The following KCNH8 variants were observed in gnomAD, a reference collection of about 807,000 sequenced individuals.
KCNH8 encodes the protein voltage-gated delayed rectifier potassium channel KCNH8.
Under a neutral mutation model 103.6 loss-of-function variants are expected in KCNH8, and 70 were observed. That is an observed-to-expected ratio of 0.68 (90% confidence interval 0.56 to 0.82). The LOEUF is 0.82. KCNH8 is among the 40% of genes least tolerant of loss of function. KCNH8 has a pLI of 0.00. For missense variants in KCNH8, 1,217 were observed against 1,329.9 expected (o/e 0.92, Z 1.32); for synonymous variants, 498 against 489.4 (o/e 1.02, Z -0.23).
intron 1 of KCNH8, among the ~76,000 whole-genome samples, chr3:19,160,528 T>G (rs1323804001): frequency 6.6e-6 from 1 of 152,138 alleles, no homozygotes; most frequent in Non-Finnish European, 1.5e-5. Flanking sequence ...AATCTATTTT[T>G]ATGCCTAAAA....
intron 11 of KCNH8, among the ~76,000 whole-genome samples, chr3:19,461,461 GA>G (rs2067626651): frequency 5.9e-5 from 9 of 152,114 alleles, no homozygotes; most frequent in Admixed American, 2.6e-4. Flanking sequence ...ACTAACTGTA[GA>G]AGCAAGCCCC....
chr3:19,464,418 A>G (rs910262658), intron 11 of KCNH8, among the ~76,000 whole-genome samples: 10 of 152,168 alleles, frequency 6.6e-5, no homozygotes, highest in Admixed American at 2.6e-4. Context: ...TAAACGAAAG[A>G]AAAAACAATA....
At chr3:19,429,863 TC>T (rs548945424) in intron 7 of KCNH8, among the ~76,000 whole-genome samples, 10 of 152,318 alleles carry the variant, frequency 6.6e-5, no homozygotes, top group Non-Finnish European at 1.5e-4. Context: ...GATAATAGCC[TC>T]CAGCTCCATC....
intron 11 of KCNH8, among the ~76,000 whole-genome samples, chr3:19,492,501 C>T (rs940310388): frequency 1.3e-5 from 2 of 152,088 alleles, no homozygotes; most frequent in Non-Finnish European, 2.9e-5. Context: ...GGCTTCATTT[C>T]TGAGTTTTCT....
intron 1 of KCNH8, among the ~76,000 whole-genome samples, chr3:19,226,584 T>TTC (rs113627715): frequency 0.078 from 11,570 of 147,988 alleles, 1,485 homozygotes; most frequent in African/African-American, 0.27. Flanking sequence ...CTTTCAGTCT[T>TTC]TCTCTCTCTC....
chr3:19,300,675 A>C (rs1466122278), intron 3 of KCNH8, among the ~76,000 whole-genome samples: 2 of 152,166 alleles, frequency 1.3e-5, no homozygotes, highest in Non-Finnish European at 2.9e-5. Context: ...TATATATCCC[A>C]ATGACTCCTT....
At chr3:19,262,789 CA>C (rs2064454051) in intron 2 of KCNH8, among the ~76,000 whole-genome samples, 1 of 152,016 alleles carries the variant, frequency 6.6e-6, no homozygotes, top group South Asian at 2.1e-4. Flanking sequence ...TTAATTTTAT[CA>C]AGAGCTAGTG....
chr3:19,199,241 CCCTTTGTT>C (rs2063632414), intron 1 of KCNH8, among the ~76,000 whole-genome samples: 1 of 152,056 alleles, frequency 6.6e-6, no homozygotes, highest in Admixed American at 6.6e-5. Flanking sequence ...CTTAATTCTA[CCCTTTGTT>C]TTTCATCTGA....
chr3:19,389,480 C>G (rs938254847), intron 5 of KCNH8, among the ~76,000 whole-genome samples: 3 of 152,110 alleles, frequency 2.0e-5, no homozygotes, highest in African/African-American at 7.2e-5. Flanking sequence ...GAAATTCACA[C>G]AAGAAACTAC....
intron 15 of KCNH8, among the ~76,000 whole-genome samples, chr3:19,532,301 G>A (rs1182863637): frequency 6.6e-6 from 1 of 152,166 alleles, no homozygotes; most frequent in Admixed American, 6.5e-5. Context: ...ATAATTCCAT[G>A]GGGTTTCAGG....
chr3:19,327,133 A>C (rs192716811), intron 3 of KCNH8, among the ~76,000 whole-genome samples: 4 of 152,342 alleles, frequency 2.6e-5, no homozygotes, highest in African/African-American at 9.6e-5. Flanking sequence ...GCGTAAGTCC[A>C]GAAGTCACAC....
At chr3:19,298,688 C>A (rs59892926) in intron 3 of KCNH8, among the ~76,000 whole-genome samples, 5 of 151,716 alleles carry the variant, frequency 3.3e-5, no homozygotes, top group African/African-American at 1.2e-4. Flanking sequence ...TTTGGGAGTC[C>A]GAGGCGGGCG....
At chr3:19,394,487 A>AAGAGAG (rs35675545) in intron 6 of KCNH8, among the ~76,000 whole-genome samples, 2 of 147,828 alleles carry the variant, frequency 1.4e-5, no homozygotes, top group South Asian at 2.2e-4. Context: ...GAGAGAGAGA[A>AAGAGAG]AGAGAGAGAG....
intron 10 of KCNH8, among the ~76,000 whole-genome samples, chr3:19,453,127 C>G (rs1431655826): frequency 6.6e-6 from 1 of 152,028 alleles, no homozygotes; most frequent in Non-Finnish European, 1.5e-5. Flanking sequence ...CATGTTCTCA[C>G]TTATAATTGG....
chr3:19,511,901 TATATACACC>T (rs1192326820), intron 12 of KCNH8, among the ~76,000 whole-genome samples: 1 of 152,088 alleles, frequency 6.6e-6, no homozygotes, highest in African/African-American at 2.4e-5. Flanking sequence ...ATACCTGTAA[TATATACACC>T]ATATACACCA....
At chr3:19,485,439 A>G (rs1013800350) in intron 11 of KCNH8, among the ~76,000 whole-genome samples, 1 of 152,196 alleles carries the variant, frequency 6.6e-6, no homozygotes, top group African/African-American at 2.4e-5. Flanking sequence ...CTGTTGTGCT[A>G]CTGCTTTGGC....
At chr3:19,497,509 C>A (rs973479889) in intron 11 of KCNH8, among the ~76,000 whole-genome samples, 3 of 151,850 alleles carry the variant, frequency 2.0e-5, no homozygotes, top group Non-Finnish European at 4.4e-5. Context: ...GTAAAACTCA[C>A]TCAGGAGCAG....
chr3:19,480,202 G>A (rs976329676), intron 11 of KCNH8, among the ~76,000 whole-genome samples: 2 of 152,194 alleles, frequency 1.3e-5, no homozygotes, highest in Admixed American at 6.5e-5. Flanking sequence ...TCCAGGCTGT[G>A]GGTTCTGCGA....
At chr3:19,484,496 T>A (rs1490823928) in intron 11 of KCNH8, among the ~76,000 whole-genome samples, 1 of 152,212 alleles carries the variant, frequency 6.6e-6, no homozygotes, top group African/African-American at 2.4e-5. Flanking sequence ...CCAGTCAGCT[T>A]CTGGATGTGA....
Sources: gnomAD v4.1 joint callset for allele counts (sites outside exome capture counted in the v4.1 genomes callset) on GRCh38, gnomAD v4.1.1 for gene constraint, MANE v1.5 for transcripts, NCBI Gene and HGNC (gene_info 2026-07-23, HGNC 2026-07-21) for gene names.